The following CRPPA variants were observed in gnomAD, a reference collection of about 807,000 sequenced individuals.
CRPPA encodes CDP-L-ribitol pyrophosphorylase A.
A neutral mutation model predicts 52.0 loss-of-function variants in CRPPA; 43 were observed. The observed-to-expected ratio is 0.83, with a 90% confidence interval of 0.65 to 1.07. CRPPA has a LOEUF of 1.07. Among genes scored for constraint, CRPPA ranks in the 50% least tolerant of loss-of-function variants. CRPPA has a pLI of 0.00. For synonymous variants in CRPPA, 250 were observed against 203.5 expected (o/e 1.23, Z -1.94); for missense variants, 629 against 551.7 (o/e 1.14, Z -1.40).
chr7:16,319,130 T>C (rs758325995), intron 3 of CRPPA, among the ~76,000 whole-genome samples: 22 of 152,204 alleles, frequency 1.4e-4, no homozygotes, highest in Non-Finnish European at 1.3e-4. Context: ...CTGAGTCATA[T>C]ATTATTAAAA....
At chr7:16,370,406 G>T (rs1342892964) in intron 3 of CRPPA, among the ~76,000 whole-genome samples, 1 of 152,126 alleles carries the variant, frequency 6.6e-6, no homozygotes, top group Non-Finnish European at 1.5e-5. Flanking sequence ...CTCCATCAGA[G>T]CTGAACCCAC....
chr7:16,326,061 C>CAA lies in CRPPA; in HGVS notation c.685-17436_685-17435dup, dbSNP rs5882567. ...AAATATGCTTTAAGTAAGAAAATCT[C>CAA]AAAAAAAAAAAAAAAGCTCAGTGAC... On this transcript the variant is annotated intron_variant, in intron 3 of 9. Coordinates refer to ENST00000407010, the MANE Select transcript of CRPPA (RefSeq NM_001101426.4). 8.7e-3 allele frequency among the ~76,000 whole-genome samples: 1,175 copies of CAA among 135,592 alleles called. 16 individuals carry two copies. The highest frequency in any genetic ancestry group is 0.027 in the African/African-American group (991 of 37,128). The allele number at this position is 135,592 out of a possible 152,430, so 89.0% of individuals were successfully genotyped here.
chr7:16,394,436 A>G (rs1787520434), intron 2 of CRPPA, among the ~76,000 whole-genome samples: 1 of 152,152 alleles, frequency 6.6e-6, no homozygotes. Context: ...TTATACAACT[A>G]AAGAGAAAAG....
intron 9 of CRPPA, among the ~76,000 whole-genome samples, chr7:16,200,616 A>G (rs1781830162): frequency 6.6e-6 from 1 of 152,340 alleles, no homozygotes; most frequent in African/African-American, 2.4e-5. Flanking sequence ...GCTACCTTAT[A>G]ATGTTTTAAT....
At chr7:16,101,124 T>G (rs1782035108) in intron 9 of CRPPA, among the ~76,000 whole-genome samples, 1 of 152,178 alleles carries the variant, frequency 6.6e-6, no homozygotes, top group Admixed American at 6.5e-5. Context: ...CTTTTTTTGT[T>G]GTGTCTCTGC....
intron 9 of CRPPA, among the ~76,000 whole-genome samples, chr7:16,180,692 T>C (rs967548621): frequency 1.3e-5 from 2 of 152,106 alleles, no homozygotes; most frequent in African/African-American, 4.8e-5. Context: ...ATTGTTACAG[T>C]CAGCTTTTTG....
chr7:16,090,549 C>CAAAAAAAAAAAAAA lies in CRPPA; in HGVS notation c.*1132_*1145dup, dbSNP rs56034283. 4 of 82,146 alleles carry CAAAAAAAAAAAAAA rather than the reference C, an allele frequency of 4.9e-5. No homozygotes were observed. Among genetic ancestry groups the CAAAAAAAAAAAAAA allele is most frequent in the Non-Finnish European group, 6.5e-5 (3 of 45,958 alleles). The allele number at this position is 82,146 out of a possible 1,614,324, so 5.1% of individuals were successfully genotyped here. A position where few individuals can be genotyped will look rare whatever the true frequency, so the allele number is the denominator to read the frequency against. On this transcript the variant is annotated 3_prime_UTR_variant, in exon 10 of 10. Transcript: ENST00000407010. ...CGAAAACCCTTCTCTACTAAAAATA[C>CAAAAAAAAAAAAAA]AAAAAAAAAAAAAAAAAAAAAAAAT...
At chr7:16,352,244 T>C (rs1269592379) in intron 3 of CRPPA, among the ~76,000 whole-genome samples, 5 of 150,442 alleles carry the variant, frequency 3.3e-5, no homozygotes, top group South Asian at 2.1e-4. Context: ...GAGGGGAACA[T>C]GACACACCAT....
At chr7:16,202,483 A>C (rs1320497521) in intron 9 of CRPPA, among the ~76,000 whole-genome samples, 1 of 152,182 alleles carries the variant, frequency 6.6e-6, no homozygotes, top group Admixed American at 6.6e-5. Flanking sequence ...CCTACACTAG[A>C]CCAGGCACCA....
At chr7:16,123,248 T>G (rs1001128484) in intron 9 of CRPPA, among the ~76,000 whole-genome samples, 2 of 152,230 alleles carry the variant, frequency 1.3e-5, no homozygotes, top group Middle Eastern at 3.4e-3. Flanking sequence ...TCATTTTTCT[T>G]CCCTTCAAAA....
intron 9 of CRPPA, among the ~76,000 whole-genome samples, chr7:16,198,713 AC>A (rs948015050): frequency 3.5e-5 from 5 of 143,252 alleles, no homozygotes; most frequent in Non-Finnish European, 7.5e-5. Flanking sequence ...GCACTCCCAT[AC>A]TTGCGCAGCA....
intron 8 of CRPPA, among the ~76,000 whole-genome samples, chr7:16,253,867 C>T (rs1312536228): frequency 6.6e-6 from 1 of 152,042 alleles, no homozygotes; most frequent in Non-Finnish European, 1.5e-5. Context: ...CCGGACTCTA[C>T]CAAGAAGTTA....
At chr7:16,167,949 C>T (rs762031207) in intron 9 of CRPPA, among the ~76,000 whole-genome samples, 2 of 152,146 alleles carry the variant, frequency 1.3e-5, no homozygotes, top group Non-Finnish European at 2.9e-5. Flanking sequence ...TATTATCCTG[C>T]GCTCTGTGTA....
intron 9 of CRPPA, among the ~76,000 whole-genome samples, chr7:16,191,997 T>A (rs923032768): frequency 6.6e-6 from 1 of 152,162 alleles, no homozygotes; most frequent in African/African-American, 2.4e-5. Flanking sequence ...GTGAATTTTT[T>A]AACGATTTAA....
chr7:16,280,470 T>C (rs1583489009), intron 5 of CRPPA, among the ~76,000 whole-genome samples: 1 of 152,182 alleles, frequency 6.6e-6, no homozygotes, highest in East Asian at 1.9e-4. Flanking sequence ...AATCAAGAAA[T>C]TTAATGTACA....
intron 9 of CRPPA, among the ~76,000 whole-genome samples, chr7:16,130,567 C>T (rs890472646): frequency 2.0e-5 from 3 of 152,168 alleles, no homozygotes; most frequent in Non-Finnish European, 4.4e-5. Context: ...GTAACACTGA[C>T]TCCACCCCTC....
Position 16,421,164 on chromosome 7 carries a change from G to C in CRPPA, c.159C>G (p.Ala53=). The part of the protein sequence containing the change: ...HPQAVAAVLP[A]GGCGERMGVP... ...CCCCCATCCTCTCCCCGCACCCCCCGGCAGGCAACACAGCTGCCACGGCTT... is the reference window on the plus strand; with the variant it reads ...CCCCCATCCTCTCCCCGCACCCCCCCGCAGGCAACACAGCTGCCACGGCTT... The change falls in exon 1 of 10, where the codon GCC becomes GCG. Residue 53 remains alanine (A), a synonymous_variant. Coordinates refer to ENST00000407010, the MANE Select transcript of CRPPA (RefSeq NM_001101426.4). 1.5e-6 allele frequency: 2 copies of C among 1,338,722 alleles called. No homozygotes were observed. The highest frequency in any genetic ancestry group is 4.1e-5 in the South Asian group (2 of 48,268). The allele number at this position is 1,338,722 out of a possible 1,614,324, so 82.9% of individuals were successfully genotyped here. A position where few individuals can be genotyped will look rare whatever the true frequency, so the allele number is the denominator to read the frequency against.
chr7:16,347,091 G>A (rs1786031609), intron 3 of CRPPA, among the ~76,000 whole-genome samples: 1 of 152,026 alleles, frequency 6.6e-6, no homozygotes, highest in African/African-American at 2.4e-5. Context: ...AATACTAGAT[G>A]CTTTACATAG....
At chr7:16,262,241 A>C (rs1173301480) in intron 6 of CRPPA, 1 of 152,182 alleles carries the variant, frequency 6.6e-6, no homozygotes, top group Admixed American at 6.5e-5. Flanking sequence ...AAGTGTCCAC[A>C]CATTGGCTGC....
Sources: gnomAD v4.1 joint callset for allele counts (sites outside exome capture counted in the v4.1 genomes callset) on GRCh38, gnomAD v4.1.1 for gene constraint, MANE v1.5 for transcripts, NCBI Gene and HGNC (gene_info 2026-07-23, HGNC 2026-07-21) for gene names.